Variants in LDLRAD4 observed in about 807,000 individuals in gnomAD.
LDLRAD4 encodes the protein low density lipoprotein receptor class A domain containing 4, also known as low-density lipoprotein receptor class A domain-containing protein 4.
LDLRAD4 carries 5 observed loss-of-function variants against 17.0 expected under a neutral mutation model. The ratio of observed to expected loss-of-function variants is 0.29; its 90% confidence interval spans 0.15 to 0.62. The LOEUF (loss-of-function observed/expected upper bound fraction) is 0.62. Among genes scored for constraint, LDLRAD4 ranks in the 20% least tolerant of loss-of-function variants. The probability of loss-of-function intolerance (pLI) is 0.84; values close to 1 mark genes in which losing one functional copy is unlikely to be tolerated. For missense variants in LDLRAD4, 340 were observed against 424.7 expected, an observed-to-expected ratio of 0.80 and a Z score of 1.75; for synonymous variants, 168 against 171.8, an observed-to-expected ratio of 0.98 and a Z score of 0.17.
intron 2 of LDLRAD4, among the ~76,000 whole-genome samples, chr18:13,416,698 T>G (rs2088929937): frequency 6.6e-6 from 1 of 152,226 alleles, no homozygotes; most frequent in Non-Finnish European, 1.5e-5. Context: ...CTTTGCTATT[T>G]GCAAAAATGT....
chr18:13,505,635 C>T (rs2116223), intron 3 of LDLRAD4, among the ~76,000 whole-genome samples: 52,912 of 151,836 alleles, frequency 0.35, 11,074 homozygotes, highest in Admixed American at 0.47. Context: ...CTGGCTAGCA[C>T]GGTGAAACTC....
chr18:13,433,099 C>CA (rs1350278773), intron 2 of LDLRAD4, among the ~76,000 whole-genome samples: 1 of 152,182 alleles, frequency 6.6e-6, no homozygotes, highest in Non-Finnish European at 1.5e-5. Context: ...ACATTGTTGT[C>CA]ACCTCTGTAC....
chr18:13,453,682 G>A (rs113759613), intron 3 of LDLRAD4, among the ~76,000 whole-genome samples: 22 of 152,198 alleles, frequency 1.4e-4, no homozygotes, highest in Admixed American at 1.4e-3. Flanking sequence ...CAGGGCATGC[G>A]ATGTCTTTGA....
intron 3 of LDLRAD4, among the ~76,000 whole-genome samples, chr18:13,473,671 AT>A (rs1568213974): frequency 0.012 from 1,343 of 113,292 alleles, 76 homozygotes; most frequent in African/African-American, 0.028. Flanking sequence ...ATATATATAT[AT>A]ATATATAACG....
At chr18:13,619,724 G>A (rs986867696) in intron 3 of LDLRAD4, among the ~76,000 whole-genome samples, 8 of 152,206 alleles carry the variant, frequency 5.3e-5, no homozygotes, top group East Asian at 1.9e-4. Flanking sequence ...TGCCAGCTTC[G>A]GGAGCTGCTC....
intron 3 of LDLRAD4, among the ~76,000 whole-genome samples, chr18:13,586,718 G>A (rs1228561582): frequency 7.2e-5 from 11 of 151,882 alleles, no homozygotes; most frequent in Non-Finnish European, 1.0e-4. Context: ...GCAAAATCCC[G>A]TCTCTACAAA....
chr18:13,559,148 A>C (rs2094514810), intron 3 of LDLRAD4, among the ~76,000 whole-genome samples: 1 of 152,252 alleles, frequency 6.6e-6, no homozygotes, highest in East Asian at 1.9e-4. Context: ...TGTCTCTTTA[A>C]GGAAAGAGGG....
At chr18:13,223,347 A>G (rs1428422658) in intron 1 of LDLRAD4, among the ~76,000 whole-genome samples, 1 of 152,196 alleles carries the variant, frequency 6.6e-6, no homozygotes, top group Non-Finnish European at 1.5e-5. Flanking sequence ...GCCATCCTCC[A>G]TGCCAGGTGT....
Position 13,334,363 on chromosome 18 carries a change from G to A in LDLRAD4, c.-382-52978G>A, listed in dbSNP as rs529522327. On this transcript the variant is annotated intron_variant, in intron 1 of 5. Transcript: ENST00000359446. The stretch of plus-strand genomic sequence containing the variant: ...AGAGATTTTCCTGCCTTAGCCTCCC[G>A]AGTAGCTGGGACTACAGGCATGTGC... Among the ~76,000 whole-genome samples, 136 of 151,942 alleles carry A rather than the reference G, an allele frequency of 9.0e-4. 1 individual carries two copies. In the South Asian group the frequency reaches 0.011, roughly 13 times the overall value.
At chr18:13,369,510 G>A (rs1034934325) in intron 1 of LDLRAD4, among the ~76,000 whole-genome samples, 10 of 152,096 alleles carry the variant, frequency 6.6e-5, no homozygotes, top group African/African-American at 1.9e-4. Flanking sequence ...AGCATGGCAC[G>A]GGGTCTCCAG....
intron 4 of LDLRAD4, among the ~76,000 whole-genome samples, chr18:13,624,730 C>T (rs1370755825): frequency 6.6e-6 from 1 of 152,226 alleles, no homozygotes; most frequent in Admixed American, 6.5e-5. Flanking sequence ...TCAGGAAGCC[C>T]CCTCCCAAGG....
intron 3 of LDLRAD4, among the ~76,000 whole-genome samples, chr18:13,620,229 T>A (rs2040493626): frequency 6.6e-6 from 1 of 152,148 alleles, no homozygotes; most frequent in African/African-American, 2.4e-5. Context: ...CGTGCATGCA[T>A]GTGTGTGCAT....
chr18:13,512,062 A>G (rs1389312794), intron 3 of LDLRAD4, among the ~76,000 whole-genome samples: 3 of 152,238 alleles, frequency 2.0e-5, no homozygotes, highest in Admixed American at 1.3e-4. Context: ...TGCTCCGTTT[A>G]TCTAAATCAG....
At chr18:13,377,358 A>T (rs1448996199) in intron 1 of LDLRAD4, among the ~76,000 whole-genome samples, 1 of 152,198 alleles carries the variant, frequency 6.6e-6, no homozygotes, top group African/African-American at 2.4e-5. Context: ...GTCTGCCTCA[A>T]TGATGGTTTT....
At chr18:13,593,776 CTTTA>C (rs899162415) in intron 3 of LDLRAD4, among the ~76,000 whole-genome samples, 5 of 152,204 alleles carry the variant, frequency 3.3e-5, no homozygotes, top group African/African-American at 9.6e-5. Flanking sequence ...CCTCCTCCCT[CTTTA>C]TTTGTTTGTT....
intron 2 of LDLRAD4, among the ~76,000 whole-genome samples, chr18:13,396,486 A>C (rs1423013498): frequency 6.6e-6 from 1 of 152,152 alleles, no homozygotes; most frequent in Non-Finnish European, 1.5e-5. Flanking sequence ...AAAAATTTGT[A>C]TTGTTTTTTA....
chr18:13,642,866 G>C (rs1332416470), intron 4 of LDLRAD4: 1 of 548,536 alleles, frequency 1.8e-6, no homozygotes, highest in Non-Finnish European at 2.8e-6. Context: ...GGTCTGAAAA[G>C]GGACGGGCTC....
At chr18:13,515,782 G>A (rs2093855901) in intron 3 of LDLRAD4, 1 of 150,170 alleles carries the variant, frequency 6.7e-6, no homozygotes, top group Non-Finnish European at 1.5e-5. Context: ...AATTTCTTAA[G>A]CAACCTGAAA....
chr18:13,548,061 A>G (rs1054026150), intron 3 of LDLRAD4, among the ~76,000 whole-genome samples: 1 of 152,134 alleles, frequency 6.6e-6, no homozygotes, highest in Admixed American at 6.5e-5. Context: ...GGTAGCTCCT[A>G]TCCACAGGCA....
Sources: gnomAD v4.1 joint callset for allele counts (sites outside exome capture counted in the v4.1 genomes callset) on GRCh38, gnomAD v4.1.1 for gene constraint, MANE v1.5 for transcripts, NCBI Gene and HGNC (gene_info 2026-07-23, HGNC 2026-07-21) for gene names.